TRIP4: variants seen among roughly 807,000 people sequenced by gnomAD.
TRIP4 encodes the protein thyroid hormone receptor interactor 4, also known as activating signal cointegrator 1.
Under a neutral mutation model 81.8 loss-of-function variants are expected in TRIP4, and 54 were observed. That is an observed-to-expected ratio of 0.66 (90% CI 0.53 to 0.83). The LOEUF (loss-of-function observed/expected upper bound fraction) is 0.83, where lower values mean the gene tolerates loss of function less well. Ranked by LOEUF, TRIP4 falls within the 40% of genes least tolerant of loss-of-function variation. TRIP4 has a pLI of 0.00. For missense variants in TRIP4, 662 were observed against 683.6 expected, an observed-to-expected ratio of 0.97 and a Z score of 0.35; for synonymous variants, 270 against 242.8, an observed-to-expected ratio of 1.11 and a Z score of -1.04.
At position 64,404,182 on chromosome 15, in the gene TRIP4, C is replaced by T. The variant is rs183062477; in HGVS notation, c.698-2148C>T. 3.2e-3 allele frequency among the ~76,000 whole-genome samples: 487 copies of T among 151,350 alleles called. 1 individual carries two copies. The highest frequency in any genetic ancestry group is 0.011 in the African/African-American group (467 of 41,234). On this transcript the variant is annotated intron_variant, in intron 5 of 12. Coordinates refer to ENST00000261884, the MANE Select transcript of TRIP4 (RefSeq NM_016213.5). ...TCCAGCCTGGGCAACGAGAGTGAAA[C>T]TCCATCTCAAAAAAAAAAAATCATA...
chr15:64,435,472 G>A (rs1892370259), intron 11 of TRIP4, among the ~76,000 whole-genome samples: 1 of 149,044 alleles, frequency 6.7e-6, no homozygotes, highest in African/African-American at 2.5e-5. Flanking sequence ...GTTGCAGTGA[G>A]CCGAGATCGC....
intron 8 of TRIP4, among the ~76,000 whole-genome samples, chr15:64,416,800 A>G (rs1363764843): frequency 6.6e-6 from 1 of 152,164 alleles, no homozygotes; most frequent in Non-Finnish European, 1.5e-5. Context: ...TAAGTACTCA[A>G]TAAATGTGTA....
chr15:64,424,225 C>T (rs1415429998), intron 10 of TRIP4, 70 bp downstream of exon 10: 7 of 1,589,838 alleles, frequency 4.4e-6, no homozygotes, highest in Middle Eastern at 1.7e-4. Flanking sequence ...TCTTCTTTCA[C>T]TTCCTTCTTT....
At chr15:64,405,009 G>T (rs1394960327) in intron 5 of TRIP4, among the ~76,000 whole-genome samples, 1 of 151,986 alleles carries the variant, frequency 6.6e-6, no homozygotes, top group East Asian at 1.9e-4. Context: ...TGGATCTTGG[G>T]TGTATCATAA....
In TRIP4 at chr15:64,439,483, ATTAG is replaced by A. The variant is rs890220653; in HGVS notation, c.1576-5520_1576-5517del. Among the ~76,000 whole-genome samples the A allele has an allele frequency of 1.0e-4, 10 of 95,654 alleles. No homozygotes were observed. In the South Asian group the frequency reaches 3.8e-3, roughly 37 times the overall value. The allele number at this position is 95,654 out of a possible 152,430, so 62.8% of individuals were successfully genotyped here. On this transcript the variant is annotated intron_variant, in intron 11 of 12. Transcript: ENST00000261884. ...ATTCCCTATTATTGTTGCTTTAGTT[ATTAG>A]TTCTTCAAATAACAACTTATAAATC...
chr15:64,432,638 G>C (rs1276207422), intron 11 of TRIP4, among the ~76,000 whole-genome samples: 1 of 149,374 alleles, frequency 6.7e-6, no homozygotes, highest in Non-Finnish European at 1.5e-5. Context: ...ACAGCCGGGC[G>C]TGGTGACTCA....
rs201928141 is a variant in TRIP4, at chr15:64,442,940, G to A, written c.1576-2066G>A. 4.7e-5 allele frequency among the ~76,000 whole-genome samples: 7 copies of A among 150,200 alleles called. No individual in the cohort carries two copies. The East Asian group carries it at 5.9e-4, about 13-fold the overall frequency. Reference sequence around the variant, plus strand: ...CAGGAGGCAGAGGTTGCAGTGAGCCGAGATCACGCCATTGCACTCCAGCCT... The same window carrying A: ...CAGGAGGCAGAGGTTGCAGTGAGCCAAGATCACGCCATTGCACTCCAGCCT... On this transcript the variant is annotated intron_variant, in intron 11 of 12. Transcript: ENST00000261884.
intron 11 of TRIP4, among the ~76,000 whole-genome samples, chr15:64,430,958 G>C (rs1892257221): frequency 1.3e-5 from 2 of 151,832 alleles, no homozygotes; most frequent in African/African-American, 4.8e-5. Context: ...GAATTTGCTG[G>C]AAGAAAAGTA....
intron 2 of TRIP4, among the ~76,000 whole-genome samples, chr15:64,394,767 T>G (rs572735575): frequency 6.6e-5 from 10 of 152,270 alleles, no homozygotes; most frequent in African/African-American, 2.4e-4. Context: ...TGAATAGCAT[T>G]TAGAGATAAC....
In TRIP4 at chr15:64,432,338, G is replaced by T. The variant is rs76412309; in HGVS notation, c.1575+6707G>T. ...ATTCATTAATAAATACTTGAGCCAG[G>T]CGCAGTGGTTTACGCCTGTAATCCC... On this transcript the variant is annotated intron_variant, in intron 11 of 12. Coordinates refer to ENST00000261884, the MANE Select transcript of TRIP4 (RefSeq NM_016213.5). Among the ~76,000 whole-genome samples the T allele has an allele frequency of 9.6e-3, 1,464 of 152,144 alleles. 11 individuals are homozygous for T. The highest frequency in any genetic ancestry group is 0.015 in the Non-Finnish European group (1,024 of 68,008).
At chr15:64,437,401 G>A (rs1465894290) in intron 11 of TRIP4, among the ~76,000 whole-genome samples, 1 of 151,354 alleles carries the variant, frequency 6.6e-6, no homozygotes, top group Admixed American at 6.6e-5. Context: ...TGGGCGACAG[G>A]GTGAGACTCC....
intron 11 of TRIP4, among the ~76,000 whole-genome samples, chr15:64,440,473 G>A (rs200781524): frequency 1.2e-5 from 1 of 83,838 alleles, no homozygotes; most frequent in Non-Finnish European, 2.5e-5. Flanking sequence ...TTTTTTTTTT[G>A]GAGGTACTGA....
chr15:64,453,438 C>T (rs1228150966), intron 12 of TRIP4, among the ~76,000 whole-genome samples: 2 of 152,178 alleles, frequency 1.3e-5, no homozygotes, highest in Non-Finnish European at 2.9e-5. Context: ...ATTTATTGAG[C>T]GTCTACCATT....
At chr15:64,431,623 T>C (rs1243813436) in intron 11 of TRIP4, among the ~76,000 whole-genome samples, 2 of 151,462 alleles carry the variant, frequency 1.3e-5, no homozygotes, top group African/African-American at 4.8e-5. Flanking sequence ...GGAGAATCAC[T>C]TGAACCCGGG....
intron 1 of TRIP4, among the ~76,000 whole-genome samples, chr15:64,390,602 G>C (rs902401959): frequency 6.6e-6 from 1 of 151,804 alleles, no homozygotes; most frequent in Non-Finnish European, 1.5e-5. Flanking sequence ...AAGAAAATGC[G>C]TTCTCAGGCC....
intron 5 of TRIP4, among the ~76,000 whole-genome samples, chr15:64,404,692 T>C (rs1205626859): frequency 1.3e-5 from 2 of 152,066 alleles, no homozygotes; most frequent in Non-Finnish European, 2.9e-5. Context: ...TGAGAAAAAA[T>C]AGTTCTGATT....
intron 2 of TRIP4, among the ~76,000 whole-genome samples, chr15:64,394,887 C>T (rs1900244774): frequency 6.6e-6 from 1 of 152,150 alleles, no homozygotes; most frequent in African/African-American, 2.4e-5. Context: ...TTTCATTGCC[C>T]AGGCTGGAGT....
At chr15:64,420,125 T>C (rs1329890790) in intron 9 of TRIP4, among the ~76,000 whole-genome samples, 1 of 145,968 alleles carries the variant, frequency 6.9e-6, no homozygotes, top group East Asian at 2.0e-4. Context: ...CTTTCTTTCT[T>C]TTTTTTTTTT....
chr15:64,453,196 A>T (rs1892810877), intron 12 of TRIP4, among the ~76,000 whole-genome samples: 1 of 152,120 alleles, frequency 6.6e-6, no homozygotes, highest in African/African-American at 2.4e-5. Context: ...AAAGTCTTTC[A>T]ACTTATGCAA....
Sources: allele counts gnomAD v4.1 joint callset (sites outside exome capture counted in the v4.1 genomes callset), GRCh38; gene constraint gnomAD v4.1.1; transcripts MANE v1.5; gene names NCBI Gene and HGNC (gene_info 2026-07-23, HGNC 2026-07-21).